CYP2C19: variants seen among roughly 807,000 people sequenced by gnomAD.
CYP2C19 encodes cytochrome P450 2C19.
CYP2C19 carries 59 observed loss-of-function variants against 40.9 expected under a neutral mutation model. That is an observed-to-expected ratio of 1.44 (90% CI 1.17 to 1.79). CYP2C19 has a LOEUF of 1.79. Ranked by LOEUF, CYP2C19 falls within the 40% of genes most tolerant of loss-of-function variation. The pLI is 0.00. For missense variants in CYP2C19, 754 were observed against 596.9 expected, an observed-to-expected ratio of 1.26 and a Z score of -2.74; for synonymous variants, 253 against 208.7, an observed-to-expected ratio of 1.21 and a Z score of -1.83.
intron 6 of CYP2C19, among the ~76,000 whole-genome samples, chr10:94,822,549 CT>C (rs1027881246): frequency 4.6e-5 from 7 of 152,034 alleles, no homozygotes; most frequent in African/African-American, 1.7e-4. Context: ...GTGTGTGTGT[CT>C]TTTTGATAGA....
intron 5 of CYP2C19, among the ~76,000 whole-genome samples, chr10:94,789,610 C>G (rs1848581651): frequency 6.6e-6 from 1 of 151,974 alleles, no homozygotes; most frequent in South Asian, 2.1e-4. Context: ...GAATCCTTCC[C>G]CTATTTCTTT....
At chr10:94,784,660 G>C (rs564682138) in intron 5 of CYP2C19, among the ~76,000 whole-genome samples, 7 of 152,010 alleles carry the variant, frequency 4.6e-5, no homozygotes, top group African/African-American at 1.7e-4. Context: ...CTGTTGCCTA[G>C]GCTCGAGTGC....
chr10:94,810,744 A>AT (rs1207052174), intron 5 of CYP2C19, among the ~76,000 whole-genome samples: 9 of 151,922 alleles, frequency 5.9e-5, no homozygotes, highest in Admixed American at 3.9e-4. Flanking sequence ...CCCCTTTATC[A>AT]TTTTTTTGTT....
intron 7 of CYP2C19, among the ~76,000 whole-genome samples, chr10:94,847,606 C>T (rs562389682): frequency 1.8e-4 from 27 of 152,140 alleles, no homozygotes; most frequent in Non-Finnish European, 3.4e-4. Flanking sequence ...AATGGGATGG[C>T]TGGGTCAAGC....
chr10:94,827,452 A>C (rs1253819873), intron 6 of CYP2C19, among the ~76,000 whole-genome samples: 3 of 151,818 alleles, frequency 2.0e-5, no homozygotes, highest in Non-Finnish European at 4.4e-5. Flanking sequence ...ATTTGCATAG[A>C]GGTGTTTGTA....
intron 7 of CYP2C19, among the ~76,000 whole-genome samples, chr10:94,849,229 C>A (rs1439828099): frequency 6.6e-6 from 1 of 152,102 alleles, no homozygotes; most frequent in East Asian, 1.9e-4. Flanking sequence ...TGGACAGGCA[C>A]TAAAGCCCAA....
At chr10:94,777,201 A>G (rs1236038395) in intron 3 of CYP2C19, among the ~76,000 whole-genome samples, 1 of 152,196 alleles carries the variant, frequency 6.6e-6, no homozygotes, top group African/African-American at 2.4e-5. Context: ...AGTAAGAATC[A>G]ATATTGTGAA....
chr10:94,841,673 G>C (rs1283267968), intron 6 of CYP2C19, among the ~76,000 whole-genome samples: 7 of 152,076 alleles, frequency 4.6e-5, no homozygotes, highest in Admixed American at 3.9e-4. Flanking sequence ...GTAGCCCCTA[G>C]GTTTTGGTAT....
chr10:94,792,512 T>A (rs1341262806), intron 5 of CYP2C19, among the ~76,000 whole-genome samples: 1 of 152,184 alleles, frequency 6.6e-6, no homozygotes, highest in African/African-American at 2.4e-5. Flanking sequence ...TTTCCATGTT[T>A]AGCACCTCCT....
chr10:94,829,656 A>G (rs1380052460), intron 6 of CYP2C19, among the ~76,000 whole-genome samples: 1 of 151,136 alleles, frequency 6.6e-6, no homozygotes, highest in African/African-American at 2.4e-5. Flanking sequence ...CTCTCAGCTC[A>G]TCAAAGTCAT....
intron 5 of CYP2C19, among the ~76,000 whole-genome samples, chr10:94,816,366 A>G (rs1849002294): frequency 6.6e-6 from 1 of 151,938 alleles, no homozygotes; most frequent in South Asian, 2.1e-4. Flanking sequence ...GTAACTTCCA[A>G]CATAAACATT....
chr10:94,855,141 A>G lies in CYP2C19; in HGVS notation c.*2227A>G, dbSNP rs1295114285. Among the ~76,000 whole-genome samples, 3 of 152,078 alleles carry G rather than the reference A, an allele frequency of 2.0e-5. No individual in the cohort carries two copies. The highest frequency in any genetic ancestry group is 7.2e-5 in the African/African-American group (3 of 41,404). On this transcript the variant is annotated 3_prime_UTR_variant, in exon 9 of 9. Coordinates refer to ENST00000371321, the MANE Select transcript of CYP2C19 (RefSeq NM_000769.4). ...TCCAAACACTTGCTTCTTTTGTTAC[A>G]TCTCCTACTCCTACTACTCTTATTC...
intron 6 of CYP2C19, among the ~76,000 whole-genome samples, chr10:94,841,012 CA>C (rs1171516914): frequency 2.0e-5 from 3 of 152,106 alleles, no homozygotes. Flanking sequence ...AAAATGTTAC[CA>C]AGGGGGTCCT....
chr10:94,847,928 G>C (rs1849597089), intron 7 of CYP2C19, among the ~76,000 whole-genome samples: 1 of 151,984 alleles, frequency 6.6e-6, no homozygotes, highest in Non-Finnish European at 1.5e-5. Flanking sequence ...GCGGTTGTTT[G>C]TTTTTTTCTT....
At chr10:94,803,412 A>T (rs1848792596) in intron 5 of CYP2C19, among the ~76,000 whole-genome samples, 4 of 152,180 alleles carry the variant, frequency 2.6e-5, no homozygotes, top group Admixed American at 2.6e-4. Flanking sequence ...AGCAAAAGCC[A>T]GCTGCAGCTA....
chr10:94,804,992 A>G (rs543443992), intron 5 of CYP2C19, among the ~76,000 whole-genome samples: 1 of 152,254 alleles, frequency 6.6e-6, no homozygotes, highest in East Asian at 1.9e-4. Context: ...GAAACATGTT[A>G]TCTTGAACTA....
intron 4 of CYP2C19, 39 bp downstream of exon 4, chr10:94,780,698 A>T: frequency 6.2e-7 from 1 of 1,609,954 alleles, no homozygotes; most frequent in Non-Finnish European, 8.5e-7. Flanking sequence ...AACCACTTAC[A>T]GTCTTTTTTT....
At chr10:94,778,585 G>C (rs1411921127) in intron 3 of CYP2C19, among the ~76,000 whole-genome samples, 1 of 152,200 alleles carries the variant, frequency 6.6e-6, no homozygotes, top group Non-Finnish European at 1.5e-5. Flanking sequence ...ATGCCAGTTA[G>C]AATGGTGATC....
chr10:94,839,981 CT>C (rs1018144193), intron 6 of CYP2C19, among the ~76,000 whole-genome samples: 2 of 151,802 alleles, frequency 1.3e-5, no homozygotes, highest in Admixed American at 6.6e-5. Context: ...TACCTTTTTG[CT>C]TTTTTTTATT....
Sources: allele counts gnomAD v4.1 joint callset (sites outside exome capture counted in the v4.1 genomes callset), GRCh38; gene constraint gnomAD v4.1.1; transcripts MANE v1.5; gene names NCBI Gene and HGNC (gene_info 2026-07-23, HGNC 2026-07-21).